SUPT6H: variants seen among roughly 807,000 people sequenced by gnomAD.
The protein encoded by SUPT6H is SPT6 homolog, histone chaperone and transcription elongation factor, also known as transcription elongation factor SPT6.
SUPT6H carries 11 observed loss-of-function variants against 222.3 expected under a neutral mutation model. The observed-to-expected ratio is 0.05, with a 90% CI of 0.03 to 0.08. The LOEUF is 0.08. SUPT6H is among the 10% of genes least tolerant of loss of function. The pLI, the probability that SUPT6H is intolerant of heterozygous loss-of-function variation, is 1.00. For synonymous variants in SUPT6H, 762 were observed against 801.2 expected, an observed-to-expected ratio of 0.95 and a Z score of 0.83; for missense variants, 1,422 against 2,216.0, an observed-to-expected ratio of 0.64 and a Z score of 7.19.
chr17:28,670,299 A>T (rs1430376488), intron 1 of SUPT6H: 1 of 152,244 alleles, frequency 6.6e-6, no homozygotes, highest in Non-Finnish European at 1.5e-5. Context: ...CAGTGTAGGG[A>T]TTAATAGAAT....
rs371423243 is a variant in SUPT6H at position 28,683,754 on chromosome 17, G to A, written c.2167G>A (p.Val723Met). 3.1e-6 allele frequency: 5 copies of A among 1,613,950 alleles called. No homozygotes were observed. The African/African-American group carries it at 4.0e-5, about 13-fold the overall frequency. ...ACGGGCTTTACAGCAGTTCCTCTAT[G>A]TGCAGATGGCCAAAGAACTCAAGAA... is the stretch of plus-strand genomic sequence containing the variant. ...IERALQQFLY[V>M]QMAKELKNKL... The change falls in exon 17 of 37, where the codon GTG becomes ATG. Residue 723 changes from valine to methionine, a missense_variant. Physicochemically the swap from Val to Met is conservative, Grantham distance 21. Around this residue, in one of 13 missense-constraint regions of SUPT6H, gnomAD observed 294 missense variants for 382.1 expected, o/e 0.77. Coordinates refer to ENST00000314616, the MANE Select transcript of SUPT6H (RefSeq NM_003170.5).
chr17:28,701,751 T>G lies in SUPT6H; in HGVS notation c.*126T>G. ...TGAAGTGAGACGTTCTCTTTGGTGG[T>G]CAACCCGGATGGGTGACAGGCTGGA... On this transcript the variant is annotated 3_prime_UTR_variant, in exon 37 of 37. Coordinates refer to ENST00000314616, the MANE Select transcript of SUPT6H (RefSeq NM_003170.5). The G allele has an allele frequency of 9.7e-7, 1 of 1,026,268 alleles. No homozygotes were observed. Among genetic ancestry groups the G allele is most frequent in the Non-Finnish European group, 1.4e-6 (1 of 717,356 alleles). 63.6% of individuals were successfully genotyped at this position (1,026,268 alleles called of 1,614,324 possible).
chr17:28,684,290 C>CT (rs2151636972), intron 17 of SUPT6H, among the ~76,000 whole-genome samples: 1 of 152,266 alleles, frequency 6.6e-6, no homozygotes, highest in East Asian at 1.9e-4. Flanking sequence ...AGAGGGAATG[C>CT]TAACAAGGCC....
At chr17:28,695,638 C>G in intron 29 of SUPT6H, 91 bp downstream of exon 29, 1 of 1,419,662 alleles carries the variant, frequency 7.0e-7, no homozygotes, top group Non-Finnish European at 9.5e-7. Flanking sequence ...ATGTGTCAGT[C>G]TCCCAGTGGA....
In SUPT6H at chr17:28,701,870, G is replaced by C; in HGVS notation, c.*245G>C. 2.0e-6 allele frequency: 1 copy of C among 510,916 alleles called. No individual in the cohort carries two copies. The highest frequency in any genetic ancestry group is 3.5e-6 in the Non-Finnish European group (1 of 287,014). The allele number at this position is 510,916 out of a possible 1,614,324, so 31.6% of individuals were successfully genotyped here. A position where few individuals can be genotyped will look rare whatever the true frequency, so the allele number is the denominator to read the frequency against. ...CCTGTCCTGGGACCAGGCTGGGAGG[G>C]GAGTGTGGCAGGGAGGAGGAAGAGG... On this transcript the variant is annotated 3_prime_UTR_variant, in exon 37 of 37. Transcript: ENST00000314616.
Position 28,674,721 on chromosome 17 carries a change from G to A in SUPT6H, c.345+108G>A, listed in dbSNP as rs189648643. 5 of 1,070,332 alleles carry A rather than the reference G, an allele frequency of 4.7e-6. No homozygotes were observed. The East Asian group carries it at 1.2e-4, about 26-fold the overall frequency. The allele number at this position is 1,070,332 out of a possible 1,614,324, so 66.3% of individuals were successfully genotyped here. On this transcript the variant is annotated intron_variant, in intron 4 of 36. Coordinates refer to ENST00000314616, the MANE Select transcript of SUPT6H (RefSeq NM_003170.5). ...ACGCAGGACAGTTTGGAGAACATTA[G>A]AGCACGGTGTTCGGTATCATTGTAC...
At chr17:28,669,432 C>T (rs2030281845) in intron 1 of SUPT6H, among the ~76,000 whole-genome samples, 2 of 152,120 alleles carry the variant, frequency 1.3e-5, no homozygotes, top group Non-Finnish European at 2.9e-5. Context: ...CTCAGGTGAT[C>T]GGCCTGCCTC....
intron 1 of SUPT6H, among the ~76,000 whole-genome samples, chr17:28,665,533 G>A (rs769801200): frequency 6.6e-5 from 10 of 152,024 alleles, no homozygotes; most frequent in Admixed American, 6.6e-5. Context: ...TGAGGCAGGC[G>A]GATCACCTGA....
At chr17:28,667,920 C>G (rs1276420073) in intron 1 of SUPT6H, among the ~76,000 whole-genome samples, 1 of 150,488 alleles carries the variant, frequency 6.6e-6, no homozygotes, top group Non-Finnish European at 1.5e-5. Flanking sequence ...AAAAAAAAAA[C>G]CCAGCAAATG....
At position 28,700,483 on chromosome 17, in the gene SUPT6H, G is replaced by A. The variant is rs201713718; in HGVS notation, c.4777G>A (p.Gly1593Ser). 76 of 1,614,020 alleles carry A rather than the reference G, an allele frequency of 4.7e-5. No homozygotes were observed. Among genetic ancestry groups the A allele is most frequent in the Non-Finnish European group, 6.2e-5 (73 of 1,180,028 alleles). ...GGCCTCCAGCCAGTACGGCTATGGCGGCAGTGGAGGCGGCAGCAGTGCTTA... is the reference window on the plus strand; with the variant it reads ...GGCCTCCAGCCAGTACGGCTATGGCAGCAGTGGAGGCGGCAGCAGTGCTTA... ...QWASSQYGYGGSGGGSSAYHV... is the reference protein window; with the variant it reads ...QWASSQYGYGSSGGGSSAYHV... The change falls in exon 35 of 37, where the codon GGC becomes AGC. Residue 1593 changes from glycine (G) to serine (S), a missense_variant. Transcript: ENST00000314616.
chr17:28,663,828 A>T (rs376987672), intron 1 of SUPT6H, among the ~76,000 whole-genome samples: 1,557 of 38,334 alleles, frequency 0.041, 64 homozygotes, highest in Middle Eastern at 0.11. Context: ...TGCCCACTCC[A>T]TTTTTTTTTT....
At chr17:28,692,691 A>G (rs1280781752) in intron 27 of SUPT6H, among the ~76,000 whole-genome samples, 2 of 147,638 alleles carry the variant, frequency 1.4e-5, no homozygotes, top group Non-Finnish European at 3.0e-5. Flanking sequence ...GCAAAACCCT[A>G]TCTCTACAAA....
At chr17:28,680,001 AAAAAG>A (rs1420053887) in intron 11 of SUPT6H, among the ~76,000 whole-genome samples, 125 of 115,376 alleles carry the variant, frequency 1.1e-3, no homozygotes, top group Middle Eastern at 4.1e-3. Flanking sequence ...AAAAAAAAAA[AAAAAG>A]AAAGAAAGAA....
chr17:28,668,260 A>G (rs2030206368), intron 1 of SUPT6H, among the ~76,000 whole-genome samples: 1 of 152,246 alleles, frequency 6.6e-6, no homozygotes, highest in Non-Finnish European at 1.5e-5. Flanking sequence ...TAAGTGCTAA[A>G]TACAACATCC....
rs535039883 is a variant in SUPT6H, at chr17:28,666,696, C to G, written c.-32+4354C>G. The stretch of plus-strand genomic sequence containing the variant: ...CCTCCTGAGTAGCTGGGATTACAGG[C>G]GTGCACCACCACACCCGGCTAATTT... On this transcript the variant is annotated intron_variant, in intron 1 of 36. Transcript: ENST00000314616. 6.6e-5 allele frequency among the ~76,000 whole-genome samples: 10 copies of G among 152,026 alleles called. No individual in the cohort carries two copies. The South Asian group carries it at 8.3e-4, about 13-fold the overall frequency.
In SUPT6H at chr17:28,688,049, G is replaced by T; in HGVS notation, c.3007-42G>T. ...AGACTGGAACAGTCTGGGGAGGTGG[G>T]GCCTGCTTACTGCCCTGGCTCAGTC... On this transcript the variant is annotated intron_variant, in intron 23 of 36. Transcript: ENST00000314616. The surrounding 1 kb of genome is among the most constrained non-coding windows in gnomAD (Gnocchi z 4.3). The T allele has an allele frequency of 5.8e-6, 9 of 1,557,616 alleles. No homozygotes were observed. The highest frequency in any genetic ancestry group is 7.8e-6 in the Non-Finnish European group (9 of 1,149,300).
At chr17:28,679,039 C>T in intron 11 of SUPT6H, 76 bp downstream of exon 11, 2 of 1,583,840 alleles carry the variant, frequency 1.3e-6, no homozygotes, top group Non-Finnish European at 1.7e-6. Context: ...CACTGTTAAA[C>T]CTTGGAGAAT....
At chr17:28,695,761 C>T (rs1323629419) in intron 29 of SUPT6H, among the ~76,000 whole-genome samples, 1 of 152,200 alleles carries the variant, frequency 6.6e-6, no homozygotes, top group Non-Finnish European at 1.5e-5. Context: ...TGCCTTGTGA[C>T]TCTTAAAGCC....
intron 1 of SUPT6H, among the ~76,000 whole-genome samples, chr17:28,667,967 T>C (rs1283371045): frequency 1.3e-5 from 2 of 151,804 alleles, no homozygotes; most frequent in African/African-American, 4.8e-5. Flanking sequence ...ATTAACAGAC[T>C]AGATCTCTTT....
Sources: gnomAD v4.1 joint callset for allele counts (sites outside exome capture counted in the v4.1 genomes callset) on GRCh38, gnomAD v4.1.1 for gene constraint, gnomAD v4.1.1 regional missense constraint, Gnocchi (gnomAD v3.1) non-coding constraint, MANE v1.5 for transcripts, NCBI Gene and HGNC (gene_info 2026-07-23, HGNC 2026-07-21) for gene names.